The following RBM33 variants were observed in gnomAD, a reference collection of about 807,000 sequenced individuals.
RBM33 encodes the protein RNA-binding protein 33.
Under a neutral mutation model 132.6 loss-of-function variants are expected in RBM33, and 28 were observed. The ratio of observed to expected loss-of-function variants is 0.21; its 90% confidence interval spans 0.16 to 0.29. RBM33 has a LOEUF of 0.29. RBM33 is among the 10% of genes least tolerant of loss of function. The probability of loss-of-function intolerance (pLI) is 1.00; values close to 1 mark genes in which losing one functional copy is unlikely to be tolerated. For synonymous variants in RBM33, 634 were observed against 593.0 expected, an observed-to-expected ratio of 1.07 and a Z score of -1.01; for missense variants, 1,291 against 1,518.5, an observed-to-expected ratio of 0.85 and a Z score of 2.49.
intron 9 of RBM33, among the ~76,000 whole-genome samples, chr7:155,723,601 G>T (rs1408538434): frequency 6.6e-6 from 1 of 152,160 alleles, no homozygotes; most frequent in Non-Finnish European, 1.5e-5. Flanking sequence ...AAACACTATG[G>T]TAACAGCTAT....
At chr7:155,760,941 T>C (rs1291542815) in intron 14 of RBM33, among the ~76,000 whole-genome samples, 1 of 152,214 alleles carries the variant, frequency 6.6e-6, no homozygotes, top group African/African-American at 2.4e-5. Flanking sequence ...GGGTAGCCCC[T>C]GTAAGACAGG....
At position 155,778,593 on chromosome 7, in the gene RBM33, T is replaced by A. The variant is rs976798307; in HGVS notation, c.*3552T>A. 1 of 152,272 alleles carries A rather than the reference T, an allele frequency of 6.6e-6. No homozygotes were observed. The highest frequency in any genetic ancestry group is 2.4e-5 in the African/African-American group (1 of 41,436). The allele number at this position is 152,272 out of a possible 1,614,324, so 9.4% of individuals were successfully genotyped here. On this transcript the variant is annotated 3_prime_UTR_variant, in exon 18 of 18. Coordinates refer to ENST00000401878, the MANE Select transcript of RBM33 (RefSeq NM_053043.3). This position sits in a 1 kb window ranked among gnomAD's most constrained non-coding sequence, Gnocchi z 4.0. Reference sequence around the variant, plus strand: ...TGGCGGCACAGGGGCATCCGCTGGATGGCCTGGAGGAGTGGGGGAGGGGAA... The same window carrying A: ...TGGCGGCACAGGGGCATCCGCTGGAAGGCCTGGAGGAGTGGGGGAGGGGAA...
rs551865917 is a variant in RBM33 at position 155,676,305 on chromosome 7, T to C, written c.172-2303T>C. On this transcript the variant is annotated intron_variant, in intron 3 of 17. Transcript: ENST00000401878. ...GGCTGACGTGACCAGGCTAGAGCTT[T>C]TAGGAAGTGGGTAAGAGTGAGGTGG... 2.6e-5 allele frequency among the ~76,000 whole-genome samples: 4 copies of C among 152,270 alleles called. No homozygotes were observed. The South Asian group carries it at 8.3e-4, about 32-fold the overall frequency.
intron 13 of RBM33, among the ~76,000 whole-genome samples, chr7:155,743,870 A>C (rs1036222359): frequency 5.3e-5 from 8 of 152,124 alleles, no homozygotes; most frequent in Non-Finnish European, 7.4e-5. Flanking sequence ...CCCGATGCCC[A>C]TGTCCCTTGT....
intron 6 of RBM33, among the ~76,000 whole-genome samples, chr7:155,705,323 A>G (rs972510762): frequency 2.0e-5 from 3 of 152,254 alleles, no homozygotes; most frequent in Admixed American, 6.5e-5. Context: ...AGTGAAATTA[A>G]TCTTGACACT....
rs759524130 is a variant in RBM33, at chr7:155,739,882, C to T, written c.1905C>T (p.His635=). 50 of 1,456,834 alleles carry T rather than the reference C, an allele frequency of 3.4e-5. No individual in the cohort carries two copies. Among genetic ancestry groups the T allele is most frequent in the Non-Finnish European group, 4.6e-5 (49 of 1,076,388 alleles). 90.2% of individuals were successfully genotyped at this position (1,456,834 alleles called of 1,614,324 possible). The change falls in exon 12 of 18, where the codon CAC becomes CAT. Residue 635 remains histidine (H), a synonymous_variant. Coordinates refer to ENST00000401878, the MANE Select transcript of RBM33 (RefSeq NM_053043.3). ...CACAGCACCCGCCGCAGCACCAGCA[C>T]CACCACCACCACCACCACCTGTCCG... ...HPPQHPPQHQ[H]HHHHHHLSVP... is the part of the protein sequence containing the mutation.
intron 9 of RBM33, among the ~76,000 whole-genome samples, chr7:155,720,690 G>T (rs939927428): frequency 3.9e-5 from 6 of 152,152 alleles, no homozygotes; most frequent in Non-Finnish European, 7.3e-5. Flanking sequence ...TTTCATTTGA[G>T]TAAAATTTAA....
chr7:155,656,963 GT>G (rs200480316), intron 1 of RBM33, among the ~76,000 whole-genome samples: 183 of 141,046 alleles, frequency 1.3e-3, no homozygotes, highest in Non-Finnish European at 1.9e-3. Context: ...CAGGGTGAAG[GT>G]TTTTTTTTTT....
At chr7:155,738,519 A>C in intron 11 of RBM33, 116 bp downstream of exon 11, 1 of 1,011,246 alleles carries the variant, frequency 9.9e-7, no homozygotes, top group Non-Finnish European at 1.4e-6. Context: ...TAAAGAATAG[A>C]GTATTAGTCT....
intron 8 of RBM33, among the ~76,000 whole-genome samples, chr7:155,717,424 A>G (rs1437584711): frequency 6.6e-6 from 1 of 151,364 alleles, no homozygotes; most frequent in Non-Finnish European, 1.5e-5. Context: ...GTTAGGGCCT[A>G]GACCTCATTT....
At chr7:155,668,557 G>T (rs953763110) in intron 2 of RBM33, among the ~76,000 whole-genome samples, 3 of 152,124 alleles carry the variant, frequency 2.0e-5, no homozygotes, top group Admixed American at 6.5e-5. Flanking sequence ...CTCCTTGGGG[G>T]CTGGTGAACT....
In RBM33 at chr7:155,646,792, C is replaced by T. The variant is rs115868544; in HGVS notation, c.43+1873C>T. ...TTCAGTTTTTACTTGTTTTTTAAAT[C>T]TGCCTCCCACAGTAGCCTGTAAACC... On this transcript the variant is annotated intron_variant, in intron 1 of 17. Coordinates refer to ENST00000401878, the MANE Select transcript of RBM33 (RefSeq NM_053043.3). 7.2e-3 allele frequency among the ~76,000 whole-genome samples: 1,100 copies of T among 152,316 alleles called. 18 individuals are homozygous for T. The highest frequency in any genetic ancestry group is 0.025 in the African/African-American group (1,049 of 41,558).
intron 8 of RBM33, among the ~76,000 whole-genome samples, chr7:155,716,694 TTCTC>T (rs1173875943): frequency 6.6e-6 from 1 of 151,316 alleles, no homozygotes; most frequent in Non-Finnish European, 1.5e-5. Flanking sequence ...GTTTTTTTCT[TTCTC>T]CACTTTCTCC....
intron 11 of RBM33, chr7:155,739,428 G>A (rs1196216341): frequency 2.5e-6 from 1 of 395,646 alleles, no homozygotes; most frequent in East Asian, 5.2e-5. Flanking sequence ...TAGTATCATA[G>A]TGCTACAGGG....
chr7:155,722,365 C>T (rs1453281374), intron 9 of RBM33, among the ~76,000 whole-genome samples: 1 of 152,146 alleles, frequency 6.6e-6, no homozygotes, highest in African/African-American at 2.4e-5. Flanking sequence ...TTTCACGAAA[C>T]ACTGTGTTGT....
At chr7:155,742,168 G>C (rs1801365085) in intron 13 of RBM33, 62 bp downstream of exon 13, 1 of 1,458,036 alleles carries the variant, frequency 6.9e-7, no homozygotes, top group Non-Finnish European at 9.2e-7. Context: ...AATCAACTTG[G>C]ATGTCTTAGT....
chr7:155,740,630 G>T (rs1801300958), intron 12 of RBM33, among the ~76,000 whole-genome samples: 1 of 152,220 alleles, frequency 6.6e-6, no homozygotes, highest in Non-Finnish European at 1.5e-5. Context: ...TGCATTAAAA[G>T]AAACTGGGAA....
intron 3 of RBM33, among the ~76,000 whole-genome samples, chr7:155,673,768 G>GCACACACACACACACACACACACA (rs369116329): frequency 3.0e-5 from 4 of 132,962 alleles, no homozygotes; most frequent in South Asian, 2.3e-4. Context: ...GCGCATGCGC[G>GCACACACACACACACACACACACA]CACACACACA....
Position 155,660,446 on chromosome 7 carries a change from A to G in RBM33, c.44-4729A>G, listed in dbSNP as rs77094918. ...TCAGCATATATTTTTTGGGGATACA[A>G]TTCAACCAGTTATAAGCAGTTCTGC... On this transcript the variant is annotated intron_variant, in intron 1 of 17. Coordinates refer to ENST00000401878, the MANE Select transcript of RBM33 (RefSeq NM_053043.3). Among the ~76,000 whole-genome samples, 1,051 of 152,342 alleles carry G rather than the reference A, an allele frequency of 6.9e-3. 7 individuals carry two copies. Among genetic ancestry groups the G allele is most frequent in the Non-Finnish European group, 0.011 (780 of 68,020 alleles).
Sources: allele counts gnomAD v4.1 joint callset (sites outside exome capture counted in the v4.1 genomes callset), GRCh38; gene constraint gnomAD v4.1.1; non-coding constraint Gnocchi (gnomAD v3.1); transcripts MANE v1.5; gene names NCBI Gene and HGNC (gene_info 2026-07-23, HGNC 2026-07-21).